The following SLC22A2 variants were observed in gnomAD, a reference collection of about 807,000 sequenced individuals.
SLC22A2 encodes organic cation transporter 2.
SLC22A2 carries 46 observed loss-of-function variants against 60.5 expected under a neutral mutation model. That is an observed-to-expected ratio of 0.76 (90% CI 0.60 to 0.97). The LOEUF (loss-of-function observed/expected upper bound fraction) is 0.97. SLC22A2 is among the 50% of genes least tolerant of loss of function. The pLI is 0.00. For synonymous variants in SLC22A2, 303 were observed against 267.0 expected (o/e 1.13, Z -1.31); for missense variants, 701 against 706.6 (o/e 0.99, Z 0.09).
At position 160,216,768 on chromosome 6, in the gene SLC22A2, C is replaced by G. The variant is rs565939654; in HGVS notation, c.*664G>C. The G allele has an allele frequency of 6.6e-6, 1 of 152,080 alleles. No individual in the cohort carries two copies. Among genetic ancestry groups the G allele is most frequent in the South Asian group, 2.1e-4 (1 of 4,826 alleles). The allele number at this position is 152,080 out of a possible 1,614,324, so 9.4% of individuals were successfully genotyped here. On this transcript the variant is annotated 3_prime_UTR_variant, in exon 11 of 11. Transcript: ENST00000366953. The stretch of plus-strand genomic sequence containing the variant: ...AATGATCATCAATGGTTTTATAATG[C>G]TAACATTTTTTATTGAACTCTTCTC...
chr6:160,228,517 C>T (rs1782764600), intron 9 of SLC22A2, among the ~76,000 whole-genome samples: 1 of 152,192 alleles, frequency 6.6e-6, no homozygotes, highest in Non-Finnish European at 1.5e-5. Flanking sequence ...TAAAGTCCCC[C>T]TCAGCTAAGA....
chr6:160,223,832 A>T (rs1782680306), intron 10 of SLC22A2, among the ~76,000 whole-genome samples: 1 of 152,152 alleles, frequency 6.6e-6, no homozygotes, highest in Admixed American at 6.5e-5. Context: ...GTTTCAAGCA[A>T]TTCTCCTGCC....
chr6:160,224,260 CT>C (rs923776681), intron 10 of SLC22A2, among the ~76,000 whole-genome samples: 4 of 147,924 alleles, frequency 2.7e-5, no homozygotes, highest in African/African-American at 9.8e-5. Flanking sequence ...TTTTTATTTC[CT>C]TTTCATTGAA....
chr6:160,223,569 T>C (rs1583389363), intron 10 of SLC22A2, among the ~76,000 whole-genome samples: 2 of 152,344 alleles, frequency 1.3e-5, no homozygotes, highest in Non-Finnish European at 2.9e-5. Context: ...TTTATTTAAC[T>C]GGTGTTCTAA....
Position 160,243,745 on chromosome 6 carries a change from A to C in SLC22A2, c.1106T>G (p.Met369Arg), listed in dbSNP as rs1346808676. 6.2e-7 allele frequency: 1 copy of C among 1,613,884 alleles called. No homozygotes were observed. The highest frequency in any genetic ancestry group is 1.3e-5 in the African/African-American group (1 of 74,932). The change falls in exon 7 of 11, where the codon ATG becomes AGG. Residue 369 changes from methionine (M) to arginine (R), a missense_variant. Transcript: ENST00000366953. ...GTAGATATTGTCACCTGCAAGGCCC[A>C]TGTGCATGATGAGGCCCTGGTAGAG... ...SVLYQGLIMH[M>R]GLAGDNIYLD...
chr6:160,224,840 T>A, intron 9 of SLC22A2, 36 bp from the exon 10 acceptor site: 1 of 1,265,198 alleles, frequency 7.9e-7, no homozygotes, highest in Non-Finnish European at 1.1e-6. Context: ...CATTAAGAAC[T>A]GAAAAACTCA....
rs560047752 is a variant in SLC22A2, at chr6:160,243,499, C to T, written c.1279+73G>A. On this transcript the variant is annotated intron_variant, in intron 7 of 10. Coordinates refer to ENST00000366953, the MANE Select transcript of SLC22A2 (RefSeq NM_003058.4). The stretch of plus-strand genomic sequence containing the variant: ...TTTGGATGACAAATTACATGGTTTT[C>T]CTATCAATGGGCCGTGACACTCCCT... The T allele has an allele frequency of 5.1e-4, 562 of 1,095,226 alleles. 1 individual carries two copies. Among genetic ancestry groups the T allele is most frequent in the Non-Finnish European group, 7.2e-4 (517 of 717,048 alleles). The allele number at this position is 1,095,226 out of a possible 1,614,324, so 67.8% of individuals were successfully genotyped here. A position where few individuals can be genotyped will look rare whatever the true frequency, so the allele number is the denominator to read the frequency against.
At chr6:160,220,393 A>G (rs898242663) in intron 10 of SLC22A2, among the ~76,000 whole-genome samples, 4 of 152,204 alleles carry the variant, frequency 2.6e-5, no homozygotes, top group African/African-American at 9.7e-5. Flanking sequence ...ATCTGCAGAC[A>G]CTTTTTATGC....
In SLC22A2 at chr6:160,229,000, G is replaced by A. The variant is rs1013784137; in HGVS notation, c.1502-4196C>T. On this transcript the variant is annotated intron_variant, in intron 9 of 10. Transcript: ENST00000366953. ...GCACCCAGGTGAAATAAACAGCCTC[G>A]TTGCTCACACAAAGCCTGTTTGGTG... Among the ~76,000 whole-genome samples the A allele has an allele frequency of 1.1e-4, 16 of 151,914 alleles. No homozygotes were observed. The East Asian group carries it at 1.2e-3, about 11-fold the overall frequency.
rs1783275846 is a variant in SLC22A2 at position 160,256,627 on chromosome 6, A to G, written c.505T>C (p.Tyr169His). ...GFFIGSMSIG[Y>H]IADRFGRKLC... The stretch of plus-strand genomic sequence containing the variant: ...GATTCAACCTACCTGTCTGCTATGT[A>G]GCCGATACTCATAGAGCCAATAAAG... Residue 169 changes from tyrosine to histidine, a missense_variant, in exon 2 of 11, where the codon TAC (tyrosine) becomes CAC (histidine). Physicochemically the swap from Tyr to His is moderately conservative, Grantham distance 83 (BLOSUM62 2). Transcript: ENST00000366953. The G allele has an allele frequency of 6.2e-7, 1 of 1,611,648 alleles. No individual in the cohort carries two copies. The highest frequency in any genetic ancestry group is 1.7e-5 in the Admixed American group (1 of 60,002).
intron 9 of SLC22A2, among the ~76,000 whole-genome samples, chr6:160,240,614 C>T (rs1474850864): frequency 1.3e-5 from 2 of 152,144 alleles, no homozygotes; most frequent in African/African-American, 4.8e-5. Context: ...ATGACTCAAC[C>T]TCCAGGCTTA....
rs1363477102 is a variant in SLC22A2, at chr6:160,247,189, G to A, written c.952C>T (p.Leu318Phe). Residue 318 changes from leucine to phenylalanine, a missense_variant, in exon 5 of 11, where the codon CTT becomes TTT. Leu to Phe is a conservative substitution (Grantham distance 22, BLOSUM62 0). Coordinates refer to ENST00000366953, the MANE Select transcript of SLC22A2 (RefSeq NM_003058.4). ...KKNGKSLPAS[L>F]QRLRLEEETG... Reference sequence around the variant, plus strand: ...TACTTAAGGCCCTGGCTCACCTGAAGGGAGGCGGGTAGAGATTTTCCATTT... The same window carrying A: ...TACTTAAGGCCCTGGCTCACCTGAAAGGAGGCGGGTAGAGATTTTCCATTT... 3 of 1,583,634 alleles carry A rather than the reference G, an allele frequency of 1.9e-6. No individual in the cohort carries two copies. The highest frequency in any genetic ancestry group is 2.6e-6 in the Non-Finnish European group (3 of 1,152,382).
intron 3 of SLC22A2, among the ~76,000 whole-genome samples, chr6:160,249,894 G>C (rs1412303654): frequency 2.0e-5 from 3 of 152,198 alleles, no homozygotes; most frequent in African/African-American, 7.2e-5. Context: ...GGCAGGAACT[G>C]GTTTTACATG....
intron 10 of SLC22A2, 124 bp from the exon 11 acceptor site, chr6:160,217,622 T>G: frequency 3.2e-6 from 2 of 628,574 alleles, no homozygotes; most frequent in Non-Finnish European, 5.7e-6. Context: ...GGATTAGTCT[T>G]GCAATGTGTT....
chr6:160,217,990 C>T (rs1782568973), intron 10 of SLC22A2: 1 of 159,944 alleles, frequency 6.3e-6, no homozygotes, highest in South Asian at 1.9e-4. Context: ...CAGGACATTG[C>T]TGATATTCAT....
intron 8 of SLC22A2, among the ~76,000 whole-genome samples, chr6:160,241,877 T>A (rs1783008957): frequency 1.3e-5 from 2 of 150,544 alleles, no homozygotes; most frequent in African/African-American, 2.4e-5. Flanking sequence ...GCACAATATT[T>A]TATATATATA....
At position 160,229,259 on chromosome 6, in the gene SLC22A2, C is replaced by T. The variant is rs138968449; in HGVS notation, c.1502-4455G>A. Among the ~76,000 whole-genome samples, 681 of 152,058 alleles carry T rather than the reference C, an allele frequency of 4.5e-3. 2 individuals are homozygous for T. The highest frequency in any genetic ancestry group is 6.8e-3 in the Middle Eastern group (2 of 294). On this transcript the variant is annotated intron_variant, in intron 9 of 10. Coordinates refer to ENST00000366953, the MANE Select transcript of SLC22A2 (RefSeq NM_003058.4). ...CTCACTATCCCTCAACCTCTTTCTT[C>T]TTTCAATCTTGGCACCACACTTCAA...
At chr6:160,225,469 A>T (rs1004507584) in intron 9 of SLC22A2, among the ~76,000 whole-genome samples, 2 of 152,196 alleles carry the variant, frequency 1.3e-5, no homozygotes, top group African/African-American at 4.8e-5. Context: ...TGAGGTCTCA[A>T]AACACTGCAT....
intron 1 of SLC22A2, among the ~76,000 whole-genome samples, 191 bp from the exon 2 acceptor site, chr6:160,256,908 T>A (rs1783284069): frequency 6.6e-6 from 1 of 151,768 alleles, no homozygotes. Flanking sequence ...CTCTCTTTTT[T>A]TTTTTTTTTT....
Sources: allele counts gnomAD v4.1 joint callset (sites outside exome capture counted in the v4.1 genomes callset), GRCh38; gene constraint gnomAD v4.1.1; transcripts MANE v1.5; gene names NCBI Gene and HGNC (gene_info 2026-07-23, HGNC 2026-07-21).